The following POTEE variants were observed in gnomAD, a reference collection of about 807,000 sequenced individuals.
The protein encoded by POTEE is POTE ankyrin domain family member E.
POTEE carries 21 observed loss-of-function variants against 74.2 expected under a neutral mutation model. The ratio of observed to expected loss-of-function variants is 0.28; its 90% CI spans 0.20 to 0.41. The LOEUF is 0.41. POTEE is among the 10% of genes least tolerant of loss of function. The pLI is 1.00. For missense variants in POTEE, 525 were observed against 1,158.6 expected, an observed-to-expected ratio of 0.45 and a Z score of 7.94; for synonymous variants, 211 against 432.8, an observed-to-expected ratio of 0.49 and a Z score of 6.36.
chr2:131,264,093 C>T lies in POTEE; in HGVS notation c.2638C>T (p.Leu880=). The T allele has an allele frequency of 6.2e-7, 1 of 1,614,288 alleles. No homozygotes were observed. ...CCCCCATGCCACCCTGCGCCTAGAC[C>T]TGGCTGGGCGGGAACTGCCTGACTA... ...ALPHATLRLD[L]AGRELPDYLM... is the part of the protein sequence containing the mutation. The change falls in exon 18 of 18, where the codon CTG becomes TTG. Residue 880 remains leucine, a synonymous_variant. Coordinates refer to ENST00000683005, the MANE Select transcript of POTEE (RefSeq NM_001083538.3).
intron 9 of POTEE, among the ~76,000 whole-genome samples, chr2:131,236,351 A>C (rs1211225259): frequency 6.6e-6 from 1 of 152,064 alleles, no homozygotes; most frequent in Non-Finnish European, 1.5e-5. Context: ...CTATCCTTAG[A>C]GTCAGACTAG....
rs1299893265 is a variant in POTEE at position 131,209,696 on chromosome 2, G to C, written c.-468G>C. Among the ~76,000 whole-genome samples the C allele has an allele frequency of 6.6e-6, 1 of 152,284 alleles. No homozygotes were observed. The highest frequency in any genetic ancestry group is 1.5e-5 in the Non-Finnish European group (1 of 68,056). ...CTCCTGCCAGGCAGGAAGACGAGTA[G>C]AAGGGAGCAGCACCGACGCATGCTG... is the stretch of plus-strand genomic sequence containing the variant. On this transcript the variant is annotated 5_prime_UTR_variant, in exon 1 of 18. Coordinates refer to ENST00000683005, the MANE Select transcript of POTEE (RefSeq NM_001083538.3).
intron 2 of POTEE, among the ~76,000 whole-genome samples, chr2:131,215,146 A>C (rs1573692989): frequency 1.3e-5 from 2 of 151,578 alleles, no homozygotes; most frequent in African/African-American, 4.9e-5. Flanking sequence ...AGGGAATGAC[A>C]TTTTTACTTT....
In POTEE at chr2:131,218,500, C is replaced by T. The variant is rs768484482; in HGVS notation, c.98C>T (p.Pro33Leu). The T allele has an allele frequency of 1.4e-5, 23 of 1,612,710 alleles. 1 individual carries two copies. In the South Asian group the frequency reaches 2.2e-4, roughly 15 times the overall value. Residue 33 changes from proline to leucine, a missense_variant, in exon 4 of 18, where the codon CCC becomes CTC. Physicochemically the swap from Pro to Leu is moderately conservative, Grantham distance 98. Coordinates refer to ENST00000683005, the MANE Select transcript of POTEE (RefSeq NM_001083538.3). ...GGCAAGTGGTGCTGCCGTTGCTTCC[C>T]CTGCTACAGGGAGAGCGGCAAGAGC... is the stretch of plus-strand genomic sequence containing the variant. ...KMGKWCCRCF[P>L]CYRESGKSNV... is the part of the protein sequence containing the mutation.
In POTEE at chr2:131,223,713, A is replaced by G; in HGVS notation, c.636+3A>G. 1 of 1,610,700 alleles carries G rather than the reference A, an allele frequency of 6.2e-7. No homozygotes were observed. The highest frequency in any genetic ancestry group is 1.1e-5 in the South Asian group (1 of 90,972). ...AAAAGAGGACAGCTCTGATAAAGGT[A>G]TGCAGTAGCCAACTATATCAGCATG... On this transcript the variant is annotated splice_donor_region_variant and intron_variant, in intron 5 of 17. Coordinates refer to ENST00000683005, the MANE Select transcript of POTEE (RefSeq NM_001083538.3).
In POTEE at chr2:131,217,696, C is replaced by T. The variant is rs888930506; in HGVS notation, c.-94+13C>T. ...AAGACTTAAGCAGGCGCGTTGCATG[C>T]ATCGGCCAGTGTCTGTGCCACGTGC... On this transcript the variant is annotated intron_variant, in intron 3 of 17. Transcript: ENST00000683005. Among the ~76,000 whole-genome samples the T allele has an allele frequency of 1.1e-4, 16 of 150,718 alleles. No homozygotes were observed. Among genetic ancestry groups the T allele is most frequent in the African/African-American group, 3.4e-4 (14 of 40,858 alleles).
At chr2:131,212,991 G>A (rs563393929) in intron 2 of POTEE, among the ~76,000 whole-genome samples, 12 of 149,652 alleles carry the variant, frequency 8.0e-5, no homozygotes, top group Middle Eastern at 3.4e-3. Flanking sequence ...ATGAAGTCTC[G>A]CTCTTGTCCC....
chr2:131,212,492 G>T (rs1378670249), intron 2 of POTEE, among the ~76,000 whole-genome samples: 1 of 145,912 alleles, frequency 6.9e-6, no homozygotes, highest in Admixed American at 6.9e-5. Context: ...GAGTCACGGG[G>T]TAAGTTCTAA....
At chr2:131,262,851 C>T (rs62178368) in intron 17 of POTEE, among the ~76,000 whole-genome samples, 6,052 of 130,436 alleles carry the variant, frequency 0.046, 1 homozygote, top group Middle Eastern at 0.063. Context: ...ATCGGTAAAA[C>T]GTTCTTCAGT....
intron 4 of POTEE, among the ~76,000 whole-genome samples, chr2:131,221,572 A>T (rs1288824412): frequency 1.3e-5 from 2 of 152,160 alleles, no homozygotes; most frequent in Non-Finnish European, 1.5e-5. Context: ...GCATAGATGC[A>T]AATAATTTGT....
chr2:131,260,679 CTT>C (rs1701680764), intron 16 of POTEE, among the ~76,000 whole-genome samples: 1 of 142,310 alleles, frequency 7.0e-6, no homozygotes, highest in African/African-American at 2.8e-5. Context: ...ACCTCTGAGA[CTT>C]TACTGAATTC....
Position 131,218,550 on chromosome 2 carries a change from G to C in POTEE, c.148G>C (p.Asp50His), listed in dbSNP as rs1290703777. 1 of 1,612,600 alleles carries C rather than the reference G, an allele frequency of 6.2e-7. No homozygotes were observed. The highest frequency in any genetic ancestry group is 1.1e-5 in the South Asian group (1 of 91,024). ...KSNVGTSGDH[D>H]DSAMKTLRSK... Reference sequence around the variant, plus strand: ...CAACGTGGGCACTTCTGGAGACCACGACGACTCTGCTATGAAGACACTCAG... The same window carrying C: ...CAACGTGGGCACTTCTGGAGACCACCACGACTCTGCTATGAAGACACTCAG... Residue 50 changes from aspartate to histidine, a missense_variant, in exon 4 of 18, where the codon GAC becomes CAC. Asp to His is a moderately conservative substitution (Grantham distance 81, BLOSUM62 -1). Coordinates refer to ENST00000683005, the MANE Select transcript of POTEE (RefSeq NM_001083538.3).
intron 6 of POTEE, among the ~76,000 whole-genome samples, 191 bp from the exon 7 acceptor site, chr2:131,226,632 G>C (rs1210438267): frequency 1.3e-5 from 2 of 150,884 alleles, no homozygotes; most frequent in East Asian, 3.9e-4. Context: ...ACTGTGGTGA[G>C]GCAGAGAAGG....
intron 4 of POTEE, among the ~76,000 whole-genome samples, chr2:131,220,961 AAAAAAAAAAAAAG>A (rs1201264302): frequency 2.5e-4 from 5 of 20,250 alleles, no homozygotes; most frequent in Non-Finnish European, 7.2e-4. Flanking sequence ...ACTCCATCTC[AAAAAAAAAAAAAG>A]AAAAAAAAAA....
At chr2:131,238,394 A>AT (rs1247551305) in intron 11 of POTEE, among the ~76,000 whole-genome samples, 156 bp downstream of exon 11, 1 of 131,864 alleles carries the variant, frequency 7.6e-6, no homozygotes, top group Non-Finnish European at 1.6e-5. Context: ...AATTCTGTAC[A>AT]TTGAGTTTTC....
intron 16 of POTEE, among the ~76,000 whole-genome samples, chr2:131,254,594 A>T (rs1413207037): frequency 1.6e-4 from 20 of 128,544 alleles, no homozygotes; most frequent in African/African-American, 5.7e-4. Context: ...ACAGGTGCTT[A>T]TTTGCTGACC....
intron 12 of POTEE, among the ~76,000 whole-genome samples, chr2:131,243,735 GC>G: frequency 7.3e-6 from 1 of 136,336 alleles, no homozygotes; most frequent in Non-Finnish European, 1.6e-5. Context: ...GGGTGTGGCA[GC>G]ATGCGCCTGT....
In POTEE at chr2:131,211,122, G is replaced by A. The variant is rs1216991503; in HGVS notation, c.-250G>A. Reference sequence around the variant, plus strand: ...GTACGCTGGAGCCTGCATGTGGCGTGACTCTGCAGCTCGCCTCGTGTGACT... The same window carrying A: ...GTACGCTGGAGCCTGCATGTGGCGTAACTCTGCAGCTCGCCTCGTGTGACT... On this transcript the variant is annotated 5_prime_UTR_variant, in exon 2 of 18. Coordinates refer to ENST00000683005, the MANE Select transcript of POTEE (RefSeq NM_001083538.3). 6.6e-6 allele frequency among the ~76,000 whole-genome samples: 1 copy of A among 151,828 alleles called. No homozygotes were observed. The highest frequency in any genetic ancestry group is 2.4e-5 in the African/African-American group (1 of 41,142).
intron 9 of POTEE, among the ~76,000 whole-genome samples, chr2:131,232,122 A>G (rs1314390484): frequency 6.9e-6 from 1 of 144,982 alleles, no homozygotes. Flanking sequence ...TATAGACCAC[A>G]AACAATTAAA....
Sources: allele counts gnomAD v4.1 joint callset (sites outside exome capture counted in the v4.1 genomes callset), GRCh38; gene constraint gnomAD v4.1.1; transcripts MANE v1.5; gene names NCBI Gene and HGNC (gene_info 2026-07-23, HGNC 2026-07-21).